ASIC2: variants seen among roughly 807,000 people sequenced by gnomAD.
ASIC2 encodes acid-sensing ion channel 2.
ASIC2 carries 25 observed loss-of-function variants against 57.3 expected under a neutral mutation model. The observed-to-expected ratio is 0.44, with a 90% CI of 0.32 to 0.61. The LOEUF is 0.61. ASIC2 is among the 20% of genes least tolerant of loss of function. ASIC2 has a pLI of 0.06. For missense variants in ASIC2, 641 were observed against 738.1 expected (o/e 0.87, Z 1.52); for synonymous variants, 319 against 307.5 (o/e 1.04, Z -0.39).
At chr17:33,607,900 A>G in intron 1 of ASIC2, among the ~76,000 whole-genome samples, 1 of 152,214 alleles carries the variant, frequency 6.6e-6, no homozygotes, top group East Asian at 1.9e-4. Context: ...GGACTGAGCT[A>G]GTTTAAGCTG....
intron 1 of ASIC2, among the ~76,000 whole-genome samples, chr17:33,231,402 G>A (rs186170957): frequency 4.1e-4 from 62 of 152,312 alleles, no homozygotes; most frequent in Middle Eastern, 3.4e-3. Flanking sequence ...CTCAAGGACT[G>A]CTCATGCTAT....
intron 1 of ASIC2, among the ~76,000 whole-genome samples, chr17:34,097,968 AT>A (rs1910606345): frequency 6.6e-6 from 1 of 152,190 alleles, no homozygotes; most frequent in Non-Finnish European, 1.5e-5. Flanking sequence ...CAAAGGATAC[AT>A]AGGAAATAGA....
At chr17:33,719,799 C>T (rs985290884) in intron 1 of ASIC2, among the ~76,000 whole-genome samples, 1 of 152,224 alleles carries the variant, frequency 6.6e-6, no homozygotes, top group African/African-American at 2.4e-5. Context: ...CCCTTCCTAT[C>T]CCAAATTCCA....
At position 33,155,653 on chromosome 17, in the gene ASIC2, G is replaced by A. The variant is rs559579901; in HGVS notation, c.709-43586C>T. On this transcript the variant is annotated intron_variant, in intron 1 of 9. Transcript: ENST00000225823. ...CGGATCACTGCAACCTCAGCCTCCC[G>A]GGTTCAAGCAATTCTCCTGCCTCAG... Among the ~76,000 whole-genome samples the A allele has an allele frequency of 8.2e-5, 12 of 147,168 alleles. No individual in the cohort carries two copies. The East Asian group carries it at 1.6e-3, about 20-fold the overall frequency.
intron 1 of ASIC2, among the ~76,000 whole-genome samples, chr17:33,742,394 A>C (rs753457495): frequency 1.3e-5 from 2 of 151,934 alleles, no homozygotes; most frequent in Non-Finnish European, 2.9e-5. Context: ...GTTGAAGCAC[A>C]TTTTTTTGAT....
At chr17:33,492,159 G>A (rs1296168982) in intron 1 of ASIC2, among the ~76,000 whole-genome samples, 1 of 152,232 alleles carries the variant, frequency 6.6e-6, no homozygotes, top group Non-Finnish European at 1.5e-5. Context: ...CATGTATTAA[G>A]TGTGCGTTAT....
chr17:33,273,172 G>A (rs1052891042), intron 1 of ASIC2, among the ~76,000 whole-genome samples: 1 of 152,124 alleles, frequency 6.6e-6, no homozygotes, highest in Admixed American at 6.5e-5. Context: ...GAGTTTAGGA[G>A]GACTTTTTTT....
At chr17:33,870,237 T>G (rs889753903) in intron 1 of ASIC2, among the ~76,000 whole-genome samples, 13 of 136,444 alleles carry the variant, frequency 9.5e-5, no homozygotes, top group South Asian at 5.6e-4. Flanking sequence ...TTTTTTTTTT[T>G]TTTTTTTTTT....
chr17:34,000,593 CT>C (rs113456877), intron 1 of ASIC2, among the ~76,000 whole-genome samples: 8 of 152,206 alleles, frequency 5.3e-5, no homozygotes, highest in African/African-American at 1.9e-4. Context: ...GTTCTTTGGG[CT>C]TCATAGGTAT....
intron 1 of ASIC2, among the ~76,000 whole-genome samples, chr17:33,332,586 C>T (rs320632): frequency 0.82 from 125,258 of 152,118 alleles, 51,644 homozygotes; most frequent in East Asian, 1. Flanking sequence ...CTTTTGTTTC[C>T]TCTTCTAAAG....
intron 1 of ASIC2, among the ~76,000 whole-genome samples, chr17:33,693,443 C>A (rs1340207188): frequency 6.6e-6 from 1 of 152,136 alleles, no homozygotes; most frequent in Non-Finnish European, 1.5e-5. Context: ...CATCCTGGGG[C>A]AAATTGGCCT....
At chr17:34,080,522 A>T (rs564764555) in intron 1 of ASIC2, among the ~76,000 whole-genome samples, 9 of 152,212 alleles carry the variant, frequency 5.9e-5, no homozygotes, top group Non-Finnish European at 8.8e-5. Flanking sequence ...AAATCTCTTT[A>T]ATCTGCTCTG....
intron 1 of ASIC2, among the ~76,000 whole-genome samples, chr17:33,427,358 A>G (rs1031565283): frequency 6.6e-6 from 1 of 152,254 alleles, no homozygotes. Flanking sequence ...ATAATCTGCT[A>G]GCAGAACAAA....
intron 1 of ASIC2, among the ~76,000 whole-genome samples, chr17:33,176,582 G>A (rs1413094575): frequency 6.6e-6 from 1 of 152,178 alleles, no homozygotes; most frequent in East Asian, 1.9e-4. Context: ...GGGCTCAAGT[G>A]ATTCTTCCTG....
rs1227884425 is a variant in ASIC2 at position 33,021,209 on chromosome 17, A to G, written c.1441+10T>C. ...AGATGTGGAAATTTGTGCAATAGAC[A>G]CTGACTTACCAAGTAAGGCAGCAAC... is the stretch of plus-strand genomic sequence containing the variant. On this transcript the variant is annotated intron_variant, in intron 7 of 9. Coordinates refer to ENST00000225823, the MANE Select transcript of ASIC2 (RefSeq NM_183377.2). 3 of 1,593,690 alleles carry G rather than the reference A, an allele frequency of 1.9e-6. No homozygotes were observed. The highest frequency in any genetic ancestry group is 1.7e-6 in the Non-Finnish European group (2 of 1,165,596).
chr17:33,638,518 C>A (rs1326185285), intron 1 of ASIC2, among the ~76,000 whole-genome samples: 1 of 152,154 alleles, frequency 6.6e-6, no homozygotes, highest in African/African-American at 2.4e-5. Context: ...CGGAGTAGAA[C>A]CACATATGCA....
At chr17:33,246,581 G>C (rs905730998) in intron 1 of ASIC2, among the ~76,000 whole-genome samples, 1 of 152,182 alleles carries the variant, frequency 6.6e-6, no homozygotes, top group Non-Finnish European at 1.5e-5. Flanking sequence ...GCAAGGGCGC[G>C]GCGGGGTTCA....
intron 1 of ASIC2, among the ~76,000 whole-genome samples, chr17:33,816,293 A>G (rs1424214641): frequency 6.6e-6 from 1 of 152,146 alleles, no homozygotes; most frequent in Admixed American, 6.5e-5. Context: ...TGCGGAGGTG[A>G]AGATGAATGG....
intron 1 of ASIC2, among the ~76,000 whole-genome samples, chr17:33,566,848 G>C (rs1427432642): frequency 6.6e-6 from 1 of 152,006 alleles, no homozygotes; most frequent in East Asian, 1.9e-4. Flanking sequence ...GTCTCAACTT[G>C]CTCCTCTTAA....
Sources: allele counts gnomAD v4.1 joint callset (sites outside exome capture counted in the v4.1 genomes callset), GRCh38; gene constraint gnomAD v4.1.1; transcripts MANE v1.5; gene names NCBI Gene and HGNC (gene_info 2026-07-23, HGNC 2026-07-21).